The following GRIP1 variants were observed in gnomAD, a reference collection of about 807,000 sequenced individuals.
GRIP1 encodes the protein glutamate receptor-interacting protein 1.
GRIP1 carries 45 observed loss-of-function variants against 129.9 expected under a neutral mutation model. The observed-to-expected ratio is 0.35, with a 90% CI of 0.27 to 0.44. The LOEUF (loss-of-function observed/expected upper bound fraction) is 0.44. GRIP1 is among the 20% of genes least tolerant of loss of function. GRIP1 has a pLI of 1.00. For missense variants in GRIP1, 1,196 were observed against 1,396.8 expected (o/e 0.86, Z 2.29); for synonymous variants, 530 against 520.8 (o/e 1.02, Z -0.24).
intron 1 of GRIP1, among the ~76,000 whole-genome samples, chr12:66,809,500 T>A (rs7976714): frequency 0.096 from 14,551 of 152,140 alleles, 811 homozygotes; most frequent in Admixed American, 0.16. Flanking sequence ...CTACTGAGGA[T>A]GAGAATGGGA....
At chr12:66,859,365 T>C (rs2040072146) in intron 1 of GRIP1, among the ~76,000 whole-genome samples, 1 of 150,576 alleles carries the variant, frequency 6.6e-6, no homozygotes, top group Non-Finnish European at 1.5e-5. Flanking sequence ...CATTTGTGTA[T>C]GGTCCATAAG....
chr12:66,635,904 A>ATATAT (rs370482533), intron 1 of GRIP1, among the ~76,000 whole-genome samples: 230 of 152,330 alleles, frequency 1.5e-3, no homozygotes, highest in African/African-American at 5.3e-3. Flanking sequence ...AACCATGGTA[A>ATATAT]TATACCCTTA....
At chr12:66,745,215 A>G (rs1014654389) in intron 1 of GRIP1, among the ~76,000 whole-genome samples, 9 of 152,216 alleles carry the variant, frequency 5.9e-5, no homozygotes, top group Non-Finnish European at 1.2e-4. Context: ...CAGAATCAGC[A>G]TTTAGGAATG....
chr12:66,713,042 C>T (rs758058497), intron 1 of GRIP1, among the ~76,000 whole-genome samples: 6 of 151,990 alleles, frequency 3.9e-5, no homozygotes, highest in Admixed American at 2.6e-4. Context: ...TACCACTTCT[C>T]TTATCCTTGT....
At chr12:66,885,542 T>C (rs2040551501) in intron 1 of GRIP1, among the ~76,000 whole-genome samples, 3 of 152,102 alleles carry the variant, frequency 2.0e-5, no homozygotes, top group Non-Finnish European at 4.4e-5. Flanking sequence ...GATGGTGAAG[T>C]CAGCAGAGAC....
chr12:66,558,344 A>T (rs1391322538), intron 2 of GRIP1, among the ~76,000 whole-genome samples: 1 of 152,194 alleles, frequency 6.6e-6, no homozygotes, highest in East Asian at 1.9e-4. Flanking sequence ...AGCAAAAAGG[A>T]AAACCTCTTA....
chr12:66,435,209 T>TTC (rs2058266524), intron 13 of GRIP1, among the ~76,000 whole-genome samples: 1 of 151,434 alleles, frequency 6.6e-6, no homozygotes, highest in African/African-American at 2.4e-5. Context: ...ACCATTTTTT[T>TTC]TTTTTTTTTG....
At chr12:67,013,834 C>T (rs920587975) in intron 1 of GRIP1, among the ~76,000 whole-genome samples, 15 of 152,200 alleles carry the variant, frequency 9.9e-5, no homozygotes, top group African/African-American at 3.6e-4. Context: ...GTAATCCCAT[C>T]TCCATTCCTC....
chr12:66,551,242 T>G (rs917235000), intron 2 of GRIP1, among the ~76,000 whole-genome samples: 20 of 152,216 alleles, frequency 1.3e-4, no homozygotes, highest in African/African-American at 4.8e-4. Context: ...GCCTCTACCT[T>G]TCTGCAATTC....
chr12:66,642,277 AACTCCAGCAAGAGGG>A (rs2032000829), intron 1 of GRIP1, among the ~76,000 whole-genome samples: 1 of 98,588 alleles, frequency 1.0e-5, no homozygotes, highest in Non-Finnish European at 2.5e-5. Context: ...GAGAGGAGAG[AACTCCAGCAAGAGGG>A]AACTCCAGCT....
intron 13 of GRIP1, among the ~76,000 whole-genome samples, chr12:66,438,711 G>A (rs559494569): frequency 8.3e-4 from 126 of 152,208 alleles, no homozygotes; most frequent in African/African-American, 2.9e-3. Context: ...GGGCAGGCTG[G>A]TCTGGAATTC....
chr12:66,822,331 A>G lies in GRIP1; in HGVS notation c.59-225404T>C, dbSNP rs144612169. Among the ~76,000 whole-genome samples, 361 of 152,348 alleles carry G rather than the reference A, an allele frequency of 2.4e-3. 4 individuals are homozygous for G. Among genetic ancestry groups the G allele is most frequent in the Non-Finnish European group, 4.2e-3 (289 of 68,022 alleles). On this transcript the variant is annotated intron_variant, in intron 1 of 1. Coordinates refer to the GRIP1 transcript ENST00000643019. ...CCTTTTATAAAGCCAAAACAAGATTATTAAAAAGTTGAAAAACAATACATG... is the reference window on the plus strand; with the variant it reads ...CCTTTTATAAAGCCAAAACAAGATTGTTAAAAAGTTGAAAAACAATACATG...
Position 66,622,303 on chromosome 12 carries a change from G to A in GRIP1, c.56-25376C>T, listed in dbSNP as rs562973093. ...GGAGGAGGGAGAGGAAGTGGGGATG[G>A]GTAATGGGTACAAAAATATAGATAG... On this transcript the variant is annotated intron_variant, in intron 1 of 24. Transcript: ENST00000359742. 6.6e-5 allele frequency among the ~76,000 whole-genome samples: 10 copies of A among 151,822 alleles called. No homozygotes were observed. In the South Asian group the frequency reaches 1.7e-3, roughly 25 times the overall value.
intron 1 of GRIP1, among the ~76,000 whole-genome samples, chr12:66,996,090 T>C (rs2042462778): frequency 6.6e-6 from 1 of 152,116 alleles, no homozygotes; most frequent in East Asian, 1.9e-4. Flanking sequence ...AGAATAGGCA[T>C]ATCTACCGAG....
intron 1 of GRIP1, among the ~76,000 whole-genome samples, chr12:66,675,531 A>T (rs2034286105): frequency 1.3e-5 from 2 of 152,156 alleles, no homozygotes; most frequent in African/African-American, 4.8e-5. Flanking sequence ...CTCTGAGAAC[A>T]TACTCCCTTC....
intron 1 of GRIP1, among the ~76,000 whole-genome samples, chr12:66,985,126 A>T (rs2042292869): frequency 6.6e-6 from 1 of 152,188 alleles, no homozygotes; most frequent in South Asian, 2.1e-4. Context: ...TCCAAGCAGC[A>T]TGCCTAAAGA....
chr12:66,905,114 T>C (rs1158749097), intron 1 of GRIP1, among the ~76,000 whole-genome samples: 2 of 152,150 alleles, frequency 1.3e-5, no homozygotes, highest in African/African-American at 4.8e-5. Flanking sequence ...AGCATTTGGG[T>C]ATTCAGTAAA....
intron 1 of GRIP1, among the ~76,000 whole-genome samples, chr12:66,798,088 G>A (rs1202486320): frequency 6.6e-6 from 1 of 152,126 alleles, no homozygotes; most frequent in Non-Finnish European, 1.5e-5. Flanking sequence ...GCAGACAAAT[G>A]ATGACCACTA....
At chr12:66,451,749 T>C (rs1023339981) in intron 11 of GRIP1, among the ~76,000 whole-genome samples, 1 of 152,152 alleles carries the variant, frequency 6.6e-6, no homozygotes, top group Admixed American at 6.5e-5. Context: ...ATAGTCAACC[T>C]GCCATAGACC....
Sources: allele counts gnomAD v4.1 joint callset (sites outside exome capture counted in the v4.1 genomes callset), GRCh38; gene constraint gnomAD v4.1.1; transcripts MANE v1.5; gene names NCBI Gene and HGNC (gene_info 2026-07-23, HGNC 2026-07-21).